Variants in IL17RA observed in about 807,000 individuals in gnomAD.
The protein encoded by IL17RA is interleukin-17 receptor A.
IL17RA carries 34 observed loss-of-function variants against 50.4 expected under a neutral mutation model. The ratio of observed to expected loss-of-function variants is 0.67; its 90% CI spans 0.51 to 0.90. The LOEUF (loss-of-function observed/expected upper bound fraction) is 0.90. Ranked by LOEUF, IL17RA falls within the 40% of genes least tolerant of loss-of-function variation. IL17RA has a pLI of 0.00. For missense variants in IL17RA, 1,276 were observed against 1,169.8 expected (o/e 1.09, Z -1.32); for synonymous variants, 585 against 510.4 (o/e 1.15, Z -1.97).
At chr22:17,088,477 C>T (rs928537410) in intron 1 of IL17RA, among the ~76,000 whole-genome samples, 2 of 151,792 alleles carry the variant, frequency 1.3e-5, no homozygotes, top group Non-Finnish European at 1.5e-5. Flanking sequence ...CACCACTACA[C>T]CCAGCCGATT....
chr22:17,096,386 T>TC (rs2061368111), intron 1 of IL17RA, among the ~76,000 whole-genome samples: 1 of 152,076 alleles, frequency 6.6e-6, no homozygotes, highest in Admixed American at 6.6e-5. Flanking sequence ...TAGTGAATGT[T>TC]CCCCAACAGA....
intron 1 of IL17RA, among the ~76,000 whole-genome samples, chr22:17,094,442 G>C (rs1260039699): frequency 6.6e-6 from 1 of 151,546 alleles, no homozygotes; most frequent in Non-Finnish European, 1.5e-5. Flanking sequence ...TGTTTGGAGA[G>C]AGGGAGAAAA....
intron 10 of IL17RA, 21 bp from the exon 11 acceptor site, chr22:17,105,832 A>C (rs2123807763): frequency 6.5e-7 from 1 of 1,541,954 alleles, no homozygotes; most frequent in Non-Finnish European, 8.9e-7. Context: ...CGCATCACTC[A>C]CGCTGTTCTG....
At chr22:17,091,734 T>A (rs2061349062) in intron 1 of IL17RA, among the ~76,000 whole-genome samples, 1 of 152,228 alleles carries the variant, frequency 6.6e-6, no homozygotes, top group South Asian at 2.1e-4. Flanking sequence ...ACACTTATTT[T>A]TTTCTCTCTG....
chr22:17,092,683 C>A (rs1370872543), intron 1 of IL17RA, among the ~76,000 whole-genome samples: 2 of 151,944 alleles, frequency 1.3e-5, no homozygotes, highest in Non-Finnish European at 1.5e-5. Flanking sequence ...TTGAGTTTTT[C>A]CACACTCTCG....
In IL17RA at chr22:17,113,872, C is replaced by T. The variant is rs1174185695; in HGVS notation, c.*4052C>T. On this transcript the variant is annotated 3_prime_UTR_variant, in exon 13 of 13. Coordinates refer to ENST00000319363, the MANE Select transcript of IL17RA (RefSeq NM_014339.7). ...AAAGTGGGTGGGGCAGGAGTTCCCA[C>T]CTCATGGGGTCCTGGCAAGCCTGCA... 2 of 152,270 alleles carry T rather than the reference C, an allele frequency of 1.3e-5. No individual in the cohort carries two copies. The highest frequency in any genetic ancestry group is 4.1e-4 in the South Asian group (2 of 4,828). The allele number at this position is 152,270 out of a possible 1,614,324, so 9.4% of individuals were successfully genotyped here.
At chr22:17,096,810 C>G (rs1479348356) in intron 1 of IL17RA, among the ~76,000 whole-genome samples, 1 of 149,470 alleles carries the variant, frequency 6.7e-6, no homozygotes, top group Non-Finnish European at 1.5e-5. Flanking sequence ...GCGGAGCTTG[C>G]AGTGAGCTGA....
intron 1 of IL17RA, among the ~76,000 whole-genome samples, chr22:17,091,699 A>G (rs1168609675): frequency 1.3e-5 from 2 of 151,804 alleles, no homozygotes; most frequent in African/African-American, 2.4e-5. Flanking sequence ...AGTCAATGTT[A>G]TTATGTGTCT....
At chr22:17,098,985 C>T in intron 4 of IL17RA, 98 bp downstream of exon 4, 1 of 970,788 alleles carries the variant, frequency 1.0e-6, no homozygotes, top group Non-Finnish European at 1.7e-6. Flanking sequence ...TGGGGGAGAC[C>T]CAGAGGTGCT....
intron 1 of IL17RA, among the ~76,000 whole-genome samples, chr22:17,091,153 G>A (rs921279524): frequency 7.9e-5 from 12 of 152,176 alleles, no homozygotes; most frequent in Non-Finnish European, 1.6e-4. Context: ...TTTTGCTGGA[G>A]AATATCATCC....
At position 17,100,565 on chromosome 22, in the gene IL17RA, G is replaced by A. The variant is rs1158818829; in HGVS notation, c.550+84G>A. The A allele has an allele frequency of 1.9e-6, 3 of 1,545,454 alleles. No individual in the cohort carries two copies. In the African/African-American group the frequency reaches 4.1e-5, roughly 21 times the overall value. ...AGGTGGCACAGATGCCAGCCCCCCT[G>A]CTCAGCAAGACATTGGCTGGCATTG... is the stretch of plus-strand genomic sequence containing the variant. On this transcript the variant is annotated intron_variant, in intron 5 of 12. Coordinates refer to ENST00000319363, the MANE Select transcript of IL17RA (RefSeq NM_014339.7).
At chr22:17,095,948 TCTC>T (rs1321927806) in intron 1 of IL17RA, among the ~76,000 whole-genome samples, 2 of 152,136 alleles carry the variant, frequency 1.3e-5, no homozygotes, top group South Asian at 2.1e-4. Flanking sequence ...CACGGGGTCT[TCTC>T]CTGTGCTTAG....
Position 17,098,842 on chromosome 22 carries a change from C to T in IL17RA, c.378C>T (p.Cys126=), listed in dbSNP as rs757924870. ...AGCTGAACACCAATGAACGTTTGTG[C>T]GTCAGGTTTGAGTTTCTGTCCAAAC... ...VLQLNTNERL[C]VRFEFLSKLR... is the part of the protein sequence containing the mutation. Residue 126 remains cysteine, a synonymous_variant, in exon 4 of 13, where the codon TGC becomes TGT. Transcript: ENST00000319363. 1.2e-5 allele frequency: 19 copies of T among 1,614,070 alleles called. No individual in the cohort carries two copies. Among genetic ancestry groups the T allele is most frequent in the East Asian group, 2.2e-5 (1 of 44,892 alleles).
At position 17,105,633 on chromosome 22, in the gene IL17RA, C is replaced by T. The variant is rs748115770; in HGVS notation, c.943+31C>T. ...CTTGGATCTCTCTCCGACAGCACTG[C>T]AGCCCTCAGGGGACATTCCCCAGTG... is the stretch of plus-strand genomic sequence containing the variant. On this transcript the variant is annotated intron_variant, in intron 10 of 12. Coordinates refer to ENST00000319363, the MANE Select transcript of IL17RA (RefSeq NM_014339.7). 3.4e-5 allele frequency: 54 copies of T among 1,611,734 alleles called. No individual in the cohort carries two copies. In the East Asian group the frequency reaches 1.2e-3, roughly 35 times the overall value.
intron 11 of IL17RA, among the ~76,000 whole-genome samples, chr22:17,106,353 A>G (rs2061414817): frequency 6.6e-6 from 1 of 152,166 alleles, no homozygotes; most frequent in Non-Finnish European, 1.5e-5. Flanking sequence ...CGGGTGATAG[A>G]GAAGGCTCCG....
intron 4 of IL17RA, among the ~76,000 whole-genome samples, chr22:17,099,309 A>AG (rs2061381357): frequency 6.6e-6 from 1 of 152,232 alleles, no homozygotes; most frequent in Admixed American, 6.5e-5. Flanking sequence ...GAACTGCTGT[A>AG]GGTGGGCAAA....
chr22:17,102,602 T>TAA (rs34495746), intron 7 of IL17RA, among the ~76,000 whole-genome samples: 1 of 151,610 alleles, frequency 6.6e-6, no homozygotes, highest in African/African-American at 2.4e-5. Context: ...TTTGAGGATT[T>TAA]AAAAAAAAGA....
chr22:17,109,345 C>T lies in IL17RA; in HGVS notation c.2126C>T (p.Pro709Leu), dbSNP rs757383824. 61 of 1,585,898 alleles carry T rather than the reference C, an allele frequency of 3.8e-5. No individual in the cohort carries two copies. The African/African-American group carries it at 6.3e-4, about 16-fold the overall frequency. Residue 709 changes from proline to leucine, a missense_variant, in exon 13 of 13, where the codon CCG becomes CTG. Physicochemically the swap from Pro to Leu is moderately conservative, Grantham distance 98. Coordinates refer to ENST00000319363, the MANE Select transcript of IL17RA (RefSeq NM_014339.7). ...EGEACPLLGSPGAGRNSVLFL... is the reference protein window; with the variant it reads ...EGEACPLLGSLGAGRNSVLFL... ...GAGGCCTGCCCGCTGCTGGGCAGCC[C>T]GGGCGCTGGGCGAAATAGCGTCCTC...
rs774888622 is a variant in IL17RA, at chr22:17,113,643, C to G, written c.*3823C>G. Reference sequence around the variant, plus strand: ...ATAAATGAGGTGTATGCAGGGCCCTCTTCTGCCTTAGCGCCCTGCCAGCTG... The same window carrying G: ...ATAAATGAGGTGTATGCAGGGCCCTGTTCTGCCTTAGCGCCCTGCCAGCTG... On this transcript the variant is annotated 3_prime_UTR_variant, in exon 13 of 13. Transcript: ENST00000319363. 3 of 152,296 alleles carry G rather than the reference C, an allele frequency of 2.0e-5. No homozygotes were observed. The highest frequency in any genetic ancestry group is 4.4e-5 in the Non-Finnish European group (3 of 68,086). The allele number at this position is 152,296 out of a possible 1,614,324, so 9.4% of individuals were successfully genotyped here.
Sources: gnomAD v4.1 joint callset for allele counts (sites outside exome capture counted in the v4.1 genomes callset) on GRCh38, gnomAD v4.1.1 for gene constraint, MANE v1.5 for transcripts, NCBI Gene and HGNC (gene_info 2026-07-23, HGNC 2026-07-21) for gene names.